FAM135B: variants seen among roughly 807,000 people sequenced by gnomAD.
FAM135B encodes protein FAM135B.
In FAM135B, 43 loss-of-function variants were observed where a neutral mutation model predicts 127.7. The observed-to-expected ratio is 0.34, with a 90% CI of 0.26 to 0.43. The LOEUF is 0.43. FAM135B is among the 20% of genes least tolerant of loss of function. FAM135B has a pLI of 1.00. For synonymous variants in FAM135B, 670 were observed against 665.1 expected (o/e 1.01, Z -0.11); for missense variants, 1,558 against 1,725.6 (o/e 0.90, Z 1.72).
intron 1 of FAM135B, among the ~76,000 whole-genome samples, chr8:138,495,133 C>T (rs1300699636): frequency 3.3e-5 from 5 of 152,198 alleles, no homozygotes; most frequent in Non-Finnish European, 7.3e-5. Context: ...AACAATAATC[C>T]CTTTTACTTG....
At chr8:138,347,347 C>G (rs16908882) in intron 2 of FAM135B, among the ~76,000 whole-genome samples, 8,783 of 152,236 alleles carry the variant, frequency 0.058, 467 homozygotes, top group East Asian at 0.16. Flanking sequence ...ATGAGCCTGT[C>G]ATTGGCTGAG....
At chr8:138,443,517 A>G (rs1835930617) in intron 1 of FAM135B, among the ~76,000 whole-genome samples, 1 of 152,206 alleles carries the variant, frequency 6.6e-6, no homozygotes, top group Non-Finnish European at 1.5e-5. Flanking sequence ...TGAAAGGCAG[A>G]ACTCACACAA....
intron 3 of FAM135B, among the ~76,000 whole-genome samples, chr8:138,300,744 CTTTTTTTTTTT>C (rs34292545): frequency 1.0e-5 from 1 of 100,492 alleles, no homozygotes; most frequent in Non-Finnish European, 2.0e-5. Context: ...ATTTTATCCA[CTTTTTTTTTTT>C]TTTTTTTTTT....
chr8:138,425,539 T>C (rs1258785091), intron 1 of FAM135B: 1 of 190 alleles, frequency 5.3e-3, no homozygotes, highest in Non-Finnish European at 9.6e-3. Context: ...GTGGTCTCTA[T>C]AGTGGCCATC....
At chr8:138,352,234 T>C (rs754650984) in intron 2 of FAM135B, among the ~76,000 whole-genome samples, 24 of 152,286 alleles carry the variant, frequency 1.6e-4, no homozygotes, top group Non-Finnish European at 2.2e-4. Context: ...CTGGGATGCA[T>C]TTTAATAATA....
At chr8:138,229,241 A>T (rs1490846791) in intron 7 of FAM135B, among the ~76,000 whole-genome samples, 1 of 151,996 alleles carries the variant, frequency 6.6e-6, no homozygotes, top group Non-Finnish European at 1.5e-5. Flanking sequence ...CACCTTCTTC[A>T]TGGGGCCTGC....
intron 18 of FAM135B, among the ~76,000 whole-genome samples, chr8:138,137,914 G>C (rs1017323643): frequency 2.0e-5 from 3 of 152,196 alleles, no homozygotes; most frequent in African/African-American, 7.2e-5. Context: ...TACTGAGACT[G>C]TCCTTCTCAT....
intron 1 of FAM135B, among the ~76,000 whole-genome samples, chr8:138,474,722 T>C (rs1056819805): frequency 6.6e-6 from 1 of 152,302 alleles, no homozygotes; most frequent in Admixed American, 6.5e-5. Flanking sequence ...CTTTACTGCA[T>C]TATGCATTTT....
intron 11 of FAM135B, among the ~76,000 whole-genome samples, chr8:138,168,387 A>T (rs1820137074): frequency 6.6e-6 from 1 of 152,214 alleles, no homozygotes; most frequent in African/African-American, 2.4e-5. Flanking sequence ...TAGAAATTTT[A>T]AATTAGCATT....
At chr8:138,417,508 A>T (rs936883063) in intron 1 of FAM135B, among the ~76,000 whole-genome samples, 3 of 152,190 alleles carry the variant, frequency 2.0e-5, no homozygotes, top group Non-Finnish European at 4.4e-5. Context: ...GAATGTGTAC[A>T]TGGGACCAGC....
chr8:138,304,330 G>C (rs34668456), intron 3 of FAM135B, among the ~76,000 whole-genome samples: 8,631 of 152,286 alleles, frequency 0.057, 322 homozygotes, highest in Non-Finnish European at 0.087. Flanking sequence ...CTGTTGTCTG[G>C]GAGTGGTCCT....
At chr8:138,326,165 G>T (rs1827787404) in intron 2 of FAM135B, among the ~76,000 whole-genome samples, 1 of 152,152 alleles carries the variant, frequency 6.6e-6, no homozygotes, top group African/African-American at 2.4e-5. Context: ...TGGACCTGTT[G>T]TTCCTATCTA....
intron 3 of FAM135B, among the ~76,000 whole-genome samples, chr8:138,275,918 C>G (rs924985938): frequency 6.6e-6 from 1 of 152,132 alleles, no homozygotes; most frequent in African/African-American, 2.4e-5. Flanking sequence ...CTCCAAGTGG[C>G]CTGATCACAG....
At chr8:138,177,603 A>C (rs1317393129) in intron 10 of FAM135B, among the ~76,000 whole-genome samples, 183 bp from the exon 11 acceptor site, 1 of 152,206 alleles carries the variant, frequency 6.6e-6, no homozygotes, top group Admixed American at 6.5e-5. Context: ...TCTCTCCTTC[A>C]GAGCTCTTAG....
At chr8:138,149,780 T>C (rs1345882461) in intron 13 of FAM135B, among the ~76,000 whole-genome samples, 1 of 152,128 alleles carries the variant, frequency 6.6e-6, no homozygotes, top group Non-Finnish European at 1.5e-5. Context: ...AATTAGGTGC[T>C]TCTCCTTTTG....
chr8:138,266,112 C>T (rs1822899753), intron 3 of FAM135B, among the ~76,000 whole-genome samples: 1 of 152,178 alleles, frequency 6.6e-6, no homozygotes, highest in South Asian at 2.1e-4. Context: ...TCCTGGGCTG[C>T]TATGCAGTGC....
At chr8:138,234,281 T>C (rs1487440404) in intron 7 of FAM135B, among the ~76,000 whole-genome samples, 1 of 152,212 alleles carries the variant, frequency 6.6e-6, no homozygotes, top group South Asian at 2.1e-4. Context: ...TGTAGAATAG[T>C]GCAGCCACTA....
chr8:138,152,558 C>T lies in FAM135B; in HGVS notation c.1917G>A (p.Glu639=), dbSNP rs1187715602. ...VLLSLKLTPS[E]PCDPLSSTLR... ...GGGTAGAACTTAGTGGATCACAGGG[C>T]TCAGAGGGGGTGAGTTTCAAGCTTA... Residue 639 remains glutamate, a synonymous_variant, in exon 13 of 20, where the codon GAG becomes GAA. Coordinates refer to ENST00000395297, the MANE Select transcript of FAM135B (RefSeq NM_015912.4). 6.8e-6 allele frequency: 11 copies of T among 1,614,038 alleles called. No individual in the cohort carries two copies. Among genetic ancestry groups the T allele is most frequent in the East Asian group, 2.2e-5 (1 of 44,872 alleles).
intron 12 of FAM135B, among the ~76,000 whole-genome samples, chr8:138,165,993 A>G (rs184468576): frequency 6.6e-6 from 1 of 152,354 alleles, no homozygotes; most frequent in East Asian, 1.9e-4. Flanking sequence ...TAGCCATTTT[A>G]AAGCATCATT....
Sources: gnomAD v4.1 joint callset for allele counts (sites outside exome capture counted in the v4.1 genomes callset) on GRCh38, gnomAD v4.1.1 for gene constraint, MANE v1.5 for transcripts, NCBI Gene and HGNC (gene_info 2026-07-23, HGNC 2026-07-21) for gene names.